Variants in MSI2 observed in about 807,000 individuals in gnomAD.
MSI2 encodes RNA-binding protein Musashi homolog 2.
In MSI2, 17 loss-of-function variants were observed where a neutral mutation model predicts 45.6. The ratio of observed to expected loss-of-function variants is 0.37; its 90% CI spans 0.26 to 0.56. The LOEUF (loss-of-function observed/expected upper bound fraction) is 0.56, where lower values mean the gene tolerates loss of function less well. MSI2 is among the 20% of genes least tolerant of loss of function. MSI2 has a pLI of 0.77. For missense variants in MSI2, 293 were observed against 444.2 expected (o/e 0.66, Z 3.06); for synonymous variants, 156 against 158.2 (o/e 0.99, Z 0.11).
intron 5 of MSI2, among the ~76,000 whole-genome samples, chr17:57,350,465 G>A (rs140296245): frequency 2.1e-4 from 32 of 152,230 alleles, no homozygotes; most frequent in African/African-American, 7.5e-4. Context: ...ATTGGCCTTT[G>A]GAGACCGCCC....
intron 5 of MSI2, chr17:57,286,011 G>T: frequency 6.5e-7 from 1 of 1,527,458 alleles, no homozygotes; most frequent in East Asian, 2.5e-5. Flanking sequence ...AATCTGATGA[G>T]GGTAAGAAAA....
the MSI2 span, among the ~76,000 whole-genome samples, chr17:57,691,344 C>G: frequency 6.6e-6 from 1 of 152,058 alleles, no homozygotes; most frequent in Non-Finnish European, 1.5e-5. Context: ...GTTTTGGCTA[C>G]TCTAGTTCAT....
At chr17:57,477,267 C>T (rs2143725371) in intron 6 of MSI2, among the ~76,000 whole-genome samples, 1 of 151,726 alleles carries the variant, frequency 6.6e-6, no homozygotes, top group Middle Eastern at 3.4e-3. Context: ...AGGTGGGCCC[C>T]ACCGAAGGAA....
At chr17:57,489,019 G>A (rs577324183) in intron 6 of MSI2, among the ~76,000 whole-genome samples, 2 of 152,100 alleles carry the variant, frequency 1.3e-5, no homozygotes, top group South Asian at 2.1e-4. Context: ...CTCTCAGTCC[G>A]TGCCCAGAGA....
chr17:57,310,335 AT>A (rs571801845), intron 5 of MSI2, among the ~76,000 whole-genome samples: 3,098 of 141,116 alleles, frequency 0.022, 102 homozygotes, highest in African/African-American at 0.07. Context: ...AGGTTGTGTT[AT>A]TTTTTTTTTT....
intron 11 of MSI2, among the ~76,000 whole-genome samples, chr17:57,662,063 A>G (rs962314007): frequency 6.6e-6 from 1 of 152,196 alleles, no homozygotes; most frequent in Non-Finnish European, 1.5e-5. Flanking sequence ...CATTCTTCAT[A>G]TGGATAAGTA....
chr17:57,627,419 C>A lies in MSI2; in HGVS notation c.727+116C>A. On this transcript the variant is annotated intron_variant, in intron 10 of 13. Coordinates refer to ENST00000284073, the MANE Select transcript of MSI2 (RefSeq NM_138962.4). This position sits in a 1 kb window ranked among gnomAD's most constrained non-coding sequence, Gnocchi z 4.6. ...CTTACATGCATCCACTTGAAAATGA[C>A]CTATACATGATAAATTTCAAATCCA... is the stretch of plus-strand genomic sequence containing the variant. 1.1e-6 allele frequency: 1 copy of A among 909,910 alleles called. No homozygotes were observed. The highest frequency in any genetic ancestry group is 1.8e-6 in the Non-Finnish European group (1 of 552,470). The allele number at this position is 909,910 out of a possible 1,614,324, so 56.4% of individuals were successfully genotyped here. A position where few individuals can be genotyped will look rare whatever the true frequency, so the allele number is the denominator to read the frequency against.
chr17:57,425,612 A>C (rs1218668581), intron 6 of MSI2, among the ~76,000 whole-genome samples: 1 of 152,210 alleles, frequency 6.6e-6, no homozygotes, highest in Admixed American at 6.5e-5. Flanking sequence ...TCGATGCACT[A>C]TGATTGACTT....
At chr17:57,691,590 T>A in the MSI2 span, among the ~76,000 whole-genome samples, 1 of 152,212 alleles carries the variant, frequency 6.6e-6, no homozygotes, top group South Asian at 2.1e-4. Flanking sequence ...ACATAATTCA[T>A]GTTTTTCTGT....
In MSI2 at chr17:57,300,544, G is replaced by GAATGCCTCATTGTCAAAGGA. The variant is rs1243623884; in HGVS notation, c.312+38358_312+38377dup. Among the ~76,000 whole-genome samples, 9 of 152,244 alleles carry GAATGCCTCATTGTCAAAGGA rather than the reference G, an allele frequency of 5.9e-5. No individual in the cohort carries two copies. In the East Asian group the frequency reaches 1.5e-3, roughly 26 times the overall value. ...CATACCATTTTGTACTTTCCACTGG[G>GAATGCCTCATTGTCAAAGGA]AATGCCTCATTGTCAAAGGAAATGC... On this transcript the variant is annotated intron_variant, in intron 5 of 13. Transcript: ENST00000284073.
intron 7 of MSI2, among the ~76,000 whole-genome samples, chr17:57,537,796 G>A (rs2086952960): frequency 6.6e-6 from 1 of 152,198 alleles, no homozygotes; most frequent in Non-Finnish European, 1.5e-5. Context: ...TAGCAACAGG[G>A]CTGGGGGACA....
At chr17:57,356,095 G>A (rs755004873) in intron 5 of MSI2, among the ~76,000 whole-genome samples, 31 of 152,022 alleles carry the variant, frequency 2.0e-4, no homozygotes, top group Admixed American at 3.9e-4. Flanking sequence ...GGCTGGTCCC[G>A]AACTCCTGAC....
At chr17:57,520,992 T>A (rs1373746751) in intron 6 of MSI2, among the ~76,000 whole-genome samples, 3 of 152,156 alleles carry the variant, frequency 2.0e-5, no homozygotes, top group Non-Finnish European at 2.9e-5. Context: ...ATGTAGACTT[T>A]TTCTCTTGTT....
chr17:57,388,903 C>T (rs1426417784), intron 5 of MSI2, among the ~76,000 whole-genome samples: 2 of 152,078 alleles, frequency 1.3e-5, no homozygotes, highest in African/African-American at 4.8e-5. Context: ...ATCCACCTGC[C>T]TCTGCCTCCC....
chr17:57,419,476 C>T (rs937191586), intron 6 of MSI2, among the ~76,000 whole-genome samples: 1 of 151,966 alleles, frequency 6.6e-6, no homozygotes, highest in African/African-American at 2.4e-5. Flanking sequence ...GATTCTCCTG[C>T]CTCAGCCTCC....
At chr17:57,299,333 A>G (rs1274854827) in intron 5 of MSI2, among the ~76,000 whole-genome samples, 2 of 152,202 alleles carry the variant, frequency 1.3e-5, no homozygotes, top group Non-Finnish European at 2.9e-5. Context: ...TCTTGGCTGT[A>G]TGGTGTAAGA....
At chr17:57,517,884 G>A (rs1021614509) in intron 6 of MSI2, among the ~76,000 whole-genome samples, 1 of 152,124 alleles carries the variant, frequency 6.6e-6, no homozygotes, top group African/African-American at 2.4e-5. Context: ...AGATGGTGGG[G>A]GATGGGGAGG....
intron 6 of MSI2, among the ~76,000 whole-genome samples, chr17:57,406,426 C>G (rs1038057934): frequency 1.3e-5 from 2 of 152,136 alleles, no homozygotes; most frequent in Non-Finnish European, 1.5e-5. Flanking sequence ...TTTTGGAGAT[C>G]AAAAAGAGGC....
chr17:57,400,341 T>C (rs2083967325), intron 5 of MSI2, among the ~76,000 whole-genome samples: 1 of 152,070 alleles, frequency 6.6e-6, no homozygotes, highest in South Asian at 2.1e-4. Flanking sequence ...GGCTCCTACA[T>C]GTAAGATTTT....
Sources: gnomAD v4.1 joint callset for allele counts (sites outside exome capture counted in the v4.1 genomes callset) on GRCh38, gnomAD v4.1.1 for gene constraint, Gnocchi (gnomAD v3.1) non-coding constraint, MANE v1.5 for transcripts, NCBI Gene and HGNC (gene_info 2026-07-23, HGNC 2026-07-21) for gene names.